The following MACROD2 variants were observed in gnomAD, a reference collection of about 807,000 sequenced individuals.
MACROD2 encodes mono-ADP ribosylhydrolase 2, also known as ADP-ribose glycohydrolase MACROD2.
Under a neutral mutation model 70.4 loss-of-function variants are expected in MACROD2, and 36 were observed. That is an observed-to-expected ratio of 0.51 (90% CI 0.39 to 0.68). The LOEUF is 0.68. Ranked by LOEUF, MACROD2 falls within the 30% of genes least tolerant of loss-of-function variation. The probability of loss-of-function intolerance (pLI) is 0.00; values close to 1 mark genes in which losing one functional copy is unlikely to be tolerated. For missense variants in MACROD2, 496 were observed against 538.4 expected, an observed-to-expected ratio of 0.92 and a Z score of 0.78; for synonymous variants, 172 against 178.8, an observed-to-expected ratio of 0.96 and a Z score of 0.30.
intron 5 of MACROD2, among the ~76,000 whole-genome samples, chr20:14,810,302 C>T (rs774593301): frequency 1.3e-5 from 2 of 152,054 alleles, no homozygotes; most frequent in African/African-American, 4.8e-5. Context: ...AATCAATAAA[C>T]GTAATCCATC....
intron 5 of MACROD2, among the ~76,000 whole-genome samples, chr20:15,073,459 T>A (rs2075634075): frequency 8.0e-6 from 1 of 125,636 alleles, no homozygotes; most frequent in South Asian, 2.6e-4. Context: ...AGAAGTGTAA[T>A]TCTCCCAACA....
chr20:15,151,571 A>G (rs1743477), intron 5 of MACROD2, among the ~76,000 whole-genome samples: 152,127 of 152,128 alleles, frequency 1, 76,063 homozygotes, highest in Non-Finnish European at 1. Flanking sequence ...AATGTATATT[A>G]AGAATAAGAC....
At chr20:14,916,062 A>G (rs1028704703) in intron 5 of MACROD2, among the ~76,000 whole-genome samples, 4 of 152,220 alleles carry the variant, frequency 2.6e-5, no homozygotes, top group Non-Finnish European at 4.4e-5. Flanking sequence ...TCACAGAGAA[A>G]TGTTTGCAGT....
rs545463360 is a variant in MACROD2 at position 15,181,783 on chromosome 20, A to G, written c.419-48157A>G. Among the ~76,000 whole-genome samples the G allele has an allele frequency of 7.2e-5, 11 of 152,234 alleles. No individual in the cohort carries two copies. The South Asian group carries it at 2.3e-3, about 31-fold the overall frequency. ...GCCTTATATTTTTACACATCTCACCATGTCCATCCCTTGACTTTGCTTTTT... is the reference window on the plus strand; with the variant it reads ...GCCTTATATTTTTACACATCTCACCGTGTCCATCCCTTGACTTTGCTTTTT... On this transcript the variant is annotated intron_variant, in intron 5 of 17. Coordinates refer to ENST00000684519, the MANE Select transcript of MACROD2 (RefSeq NM_001351661.2).
At position 15,837,214 on chromosome 20, in the gene MACROD2, A is replaced by C. The variant is rs138257116; in HGVS notation, c.646-25531A>C. ...AAAGTTAAACATGCAGTGTTTCTTA[A>C]TATTGTTTAACCATAAATGCCTTTT... On this transcript the variant is annotated intron_variant, in intron 8 of 17. Transcript: ENST00000684519. 3.1e-3 allele frequency among the ~76,000 whole-genome samples: 467 copies of C among 152,308 alleles called. 4 individuals are homozygous for C. The highest frequency in any genetic ancestry group is 0.011 in the African/African-American group (452 of 41,570).
intron 5 of MACROD2, among the ~76,000 whole-genome samples, chr20:14,896,248 T>C (rs1014151152): frequency 6.6e-6 from 1 of 151,968 alleles, no homozygotes; most frequent in African/African-American, 2.4e-5. Context: ...TGAGCAGAGA[T>C]TGCACCACTG....
intron 6 of MACROD2, among the ~76,000 whole-genome samples, chr20:15,329,410 G>C (rs143560098): frequency 4.6e-5 from 7 of 151,996 alleles, no homozygotes; most frequent in Non-Finnish European, 8.8e-5. Flanking sequence ...ACTTTCCCAG[G>C]TAGTTCAGCT....
At chr20:15,678,344 C>T (rs2050101431) in intron 8 of MACROD2, among the ~76,000 whole-genome samples, 1 of 151,170 alleles carries the variant, frequency 6.6e-6, no homozygotes. Flanking sequence ...CCAGCCTGGA[C>T]AACAGAGCAA....
At chr20:14,731,019 ACACT>A (rs2071591273) in intron 5 of MACROD2, among the ~76,000 whole-genome samples, 2 of 151,900 alleles carry the variant, frequency 1.3e-5, no homozygotes, top group African/African-American at 4.8e-5. Flanking sequence ...ATGCACACAC[ACACT>A]CACAAACACA....
intron 3 of MACROD2, among the ~76,000 whole-genome samples, chr20:14,157,809 C>G (rs1273905030): frequency 1.3e-5 from 2 of 152,148 alleles, no homozygotes; most frequent in East Asian, 3.8e-4. Flanking sequence ...GCCACATTTT[C>G]TTTATCCATT....
chr20:14,794,510 A>G (rs563642209), intron 5 of MACROD2, among the ~76,000 whole-genome samples: 18 of 152,252 alleles, frequency 1.2e-4, no homozygotes, highest in African/African-American at 4.3e-4. Flanking sequence ...ATTAAATGCA[A>G]ACACTTTTCC....
chr20:15,531,164 C>T (rs2146547005), intron 8 of MACROD2, among the ~76,000 whole-genome samples: 1 of 151,298 alleles, frequency 6.6e-6, no homozygotes, highest in South Asian at 2.1e-4. Flanking sequence ...TGAAAATTAC[C>T]AGAATAAATA....
At chr20:14,351,211 C>T (rs988354515) in intron 3 of MACROD2, among the ~76,000 whole-genome samples, 1 of 152,028 alleles carries the variant, frequency 6.6e-6, no homozygotes, top group African/African-American at 2.4e-5. Flanking sequence ...TCTTTTTGTT[C>T]AGGGTGGCTT....
intron 5 of MACROD2, among the ~76,000 whole-genome samples, chr20:15,191,240 A>G (rs2076568404): frequency 6.6e-6 from 1 of 152,146 alleles, no homozygotes; most frequent in Non-Finnish European, 1.5e-5. Context: ...GTATTTATTC[A>G]CTGACTCCCA....
intron 5 of MACROD2, among the ~76,000 whole-genome samples, chr20:15,150,078 T>C (rs2076258289): frequency 6.6e-6 from 1 of 152,020 alleles, no homozygotes; most frequent in South Asian, 2.1e-4. Context: ...GAGAGATCAG[T>C]TGGACACTAT....
chr20:14,353,904 TATC>T (rs562881894), intron 3 of MACROD2, among the ~76,000 whole-genome samples: 31 of 152,130 alleles, frequency 2.0e-4, no homozygotes, highest in African/African-American at 7.0e-4. Flanking sequence ...GCTTAAAAAA[TATC>T]ATCAGGAGGA....
At chr20:14,100,809 A>G (rs1327155608) in intron 3 of MACROD2, among the ~76,000 whole-genome samples, 4 of 139,840 alleles carry the variant, frequency 2.9e-5, no homozygotes, top group African/African-American at 7.8e-5. Flanking sequence ...TATGATATAT[A>G]ATCATATATC....
chr20:14,028,259 C>T (rs1199526968), intron 2 of MACROD2, among the ~76,000 whole-genome samples: 1 of 152,076 alleles, frequency 6.6e-6, no homozygotes, highest in Non-Finnish European at 1.5e-5. Flanking sequence ...AGCTACTCTC[C>T]CTCCCCACCC....
At chr20:15,583,305 G>A (rs1187927078) in intron 8 of MACROD2, among the ~76,000 whole-genome samples, 1 of 152,164 alleles carries the variant, frequency 6.6e-6, no homozygotes, top group Non-Finnish European at 1.5e-5. Flanking sequence ...AAAGAAATGT[G>A]AAAAACGGAG....
Sources: allele counts gnomAD v4.1 joint callset (sites outside exome capture counted in the v4.1 genomes callset), GRCh38; gene constraint gnomAD v4.1.1; transcripts MANE v1.5; gene names NCBI Gene and HGNC (gene_info 2026-07-23, HGNC 2026-07-21).